TRAPPC9: variants seen among roughly 807,000 people sequenced by gnomAD.
TRAPPC9 encodes trafficking protein particle complex subunit 9, also known as IKK2 binding protein.
TRAPPC9 carries 83 observed loss-of-function variants against 124.0 expected under a neutral mutation model. The ratio of observed to expected loss-of-function variants is 0.67; its 90% CI spans 0.56 to 0.80. The LOEUF is 0.80. Ranked by LOEUF, TRAPPC9 falls within the 30% of genes least tolerant of loss-of-function variation. The pLI, the probability that TRAPPC9 is intolerant of heterozygous loss-of-function variation, is 0.00. For missense variants in TRAPPC9, 1,302 were observed against 1,508.3 expected, an observed-to-expected ratio of 0.86 and a Z score of 2.27; for synonymous variants, 638 against 617.5, an observed-to-expected ratio of 1.03 and a Z score of -0.49.
chr8:140,155,966 C>T (rs2061621933), intron 17 of TRAPPC9, among the ~76,000 whole-genome samples: 1 of 152,152 alleles, frequency 6.6e-6, no homozygotes, highest in African/African-American at 2.4e-5. Flanking sequence ...CCACAAGGAA[C>T]ACATGGAGGG....
intron 17 of TRAPPC9, among the ~76,000 whole-genome samples, chr8:140,053,578 T>C (rs747596971): frequency 5.4e-5 from 8 of 147,856 alleles, no homozygotes; most frequent in Middle Eastern, 3.5e-3. Flanking sequence ...TAGGAACATT[T>C]GGTCTATAGT....
At position 139,892,309 on chromosome 8, in the gene TRAPPC9, G is replaced by T. The variant is rs549062450; in HGVS notation, c.2965-6340C>A. On this transcript the variant is annotated intron_variant, in intron 20 of 22. Transcript: ENST00000438773. ...CAGGCCCCTCCTAGGAGAAGGTCAGGGTAGAGGGAGGGGAGCACCAAGGTG... is the reference window on the plus strand; with the variant it reads ...CAGGCCCCTCCTAGGAGAAGGTCAGTGTAGAGGGAGGGGAGCACCAAGGTG... Among the ~76,000 whole-genome samples the T allele has an allele frequency of 9.2e-5, 14 of 152,316 alleles. No individual in the cohort carries two copies. The South Asian group carries it at 2.9e-3, about 32-fold the overall frequency.
chr8:140,208,632 T>G (rs2062984279), intron 17 of TRAPPC9, among the ~76,000 whole-genome samples: 1 of 152,244 alleles, frequency 6.6e-6, no homozygotes, highest in African/African-American at 2.4e-5. Context: ...TCATTTCATT[T>G]GCTTTCCTGT....
At chr8:140,017,525 A>G (rs1839546394) in intron 18 of TRAPPC9, among the ~76,000 whole-genome samples, 1 of 152,208 alleles carries the variant, frequency 6.6e-6, no homozygotes, top group Non-Finnish European at 1.5e-5. Flanking sequence ...TTAAAAATCA[A>G]CTGATGAGAT....
chr8:140,357,531 A>G (rs541407680), intron 9 of TRAPPC9, among the ~76,000 whole-genome samples: 3 of 152,116 alleles, frequency 2.0e-5, no homozygotes, highest in South Asian at 4.2e-4. Context: ...GCCCCTACAC[A>G]GAGTCCAGGC....
intron 17 of TRAPPC9, among the ~76,000 whole-genome samples, chr8:140,072,593 AAGGAGGAGGAGGAGGAGGAGG>A (rs139221264): frequency 7.1e-6 from 1 of 141,258 alleles, no homozygotes; most frequent in Non-Finnish European, 1.5e-5. Flanking sequence ...AGGAGAAGGG[AAGGAGGAGGAGGAGGAGGAGG>A]AGGAGGAGGA....
intron 16 of TRAPPC9, among the ~76,000 whole-genome samples, chr8:140,233,326 T>C (rs1165455917): frequency 2.0e-5 from 3 of 151,930 alleles, no homozygotes; most frequent in Non-Finnish European, 4.4e-5. Context: ...TGCCTCAGCC[T>C]CCCGAGTAGC....
intron 17 of TRAPPC9, among the ~76,000 whole-genome samples, chr8:140,083,655 A>ATTTTGT (rs964353631): frequency 7.2e-5 from 11 of 151,778 alleles, no homozygotes; most frequent in Non-Finnish European, 1.2e-4. Context: ...TTTTTTTGTT[A>ATTTTGT]TTTTGTTTTT....
At chr8:139,995,352 T>C (rs1837896444) in intron 18 of TRAPPC9, among the ~76,000 whole-genome samples, 2 of 152,202 alleles carry the variant, frequency 1.3e-5, no homozygotes, top group South Asian at 4.1e-4. Flanking sequence ...TTTCCCTTTT[T>C]TCTTCCCTTT....
chr8:140,067,754 ATG>A (rs1468311388), intron 17 of TRAPPC9, among the ~76,000 whole-genome samples: 1 of 152,172 alleles, frequency 6.6e-6, no homozygotes, highest in Non-Finnish European at 1.5e-5. Flanking sequence ...CTTTCTCTAT[ATG>A]TGTTATTAAC....
chr8:140,320,366 C>G (rs1192991943), intron 9 of TRAPPC9, among the ~76,000 whole-genome samples: 1 of 152,186 alleles, frequency 6.6e-6, no homozygotes, highest in Non-Finnish European at 1.5e-5. Context: ...TGTTGAAGGA[C>G]ATGACCTAAG....
chr8:140,274,659 G>A (rs933897574), intron 15 of TRAPPC9, among the ~76,000 whole-genome samples: 1 of 152,174 alleles, frequency 6.6e-6, no homozygotes, highest in African/African-American at 2.4e-5. Flanking sequence ...TTCTTTGCCT[G>A]CAAATTCTCC....
intron 21 of TRAPPC9, among the ~76,000 whole-genome samples, chr8:139,880,609 C>T (rs980549696): frequency 2.0e-5 from 3 of 152,172 alleles, no homozygotes; most frequent in Non-Finnish European, 4.4e-5. Context: ...ACAGTGCCCA[C>T]GTCACAATCG....
chr8:140,303,653 C>T (rs573249589), intron 10 of TRAPPC9, among the ~76,000 whole-genome samples: 2 of 152,332 alleles, frequency 1.3e-5, no homozygotes, highest in South Asian at 4.1e-4. Context: ...AGGCACTCAA[C>T]AAATATTTTA....
intron 17 of TRAPPC9, among the ~76,000 whole-genome samples, chr8:140,184,332 C>T (rs1458589459): frequency 1.3e-5 from 2 of 152,158 alleles, no homozygotes; most frequent in African/African-American, 4.8e-5. Context: ...GAAAGTTCAC[C>T]AAAAGTTGAC....
chr8:140,391,308 T>C (rs1396326947), intron 7 of TRAPPC9, among the ~76,000 whole-genome samples: 2 of 152,244 alleles, frequency 1.3e-5, no homozygotes, highest in Non-Finnish European at 2.9e-5. Context: ...TGAGAGTTGA[T>C]CCTAGAGTAT....
chr8:139,810,595 C>T (rs1824373429), intron 21 of TRAPPC9, among the ~76,000 whole-genome samples: 1 of 152,146 alleles, frequency 6.6e-6, no homozygotes, highest in African/African-American at 2.4e-5. Flanking sequence ...TTCAAATGGC[C>T]AGGGATGAAC....
intron 10 of TRAPPC9, chr8:140,302,921 C>T (rs6994545): frequency 0.65 from 99,350 of 152,066 alleles, 32,915 homozygotes; most frequent in African/African-American, 0.78. Context: ...TTATCAGCTC[C>T]AAACAGCTCT....
intron 9 of TRAPPC9, among the ~76,000 whole-genome samples, chr8:140,325,017 C>T (rs2066700473): frequency 6.6e-6 from 1 of 151,918 alleles, no homozygotes; most frequent in South Asian, 2.1e-4. Flanking sequence ...TATGTTCTGA[C>T]CATTACAGTA....
Sources: allele counts gnomAD v4.1 joint callset (sites outside exome capture counted in the v4.1 genomes callset), GRCh38; gene constraint gnomAD v4.1.1; transcripts MANE v1.5; gene names NCBI Gene and HGNC (gene_info 2026-07-23, HGNC 2026-07-21).